Variants in MAP4 observed in about 807,000 individuals in gnomAD.
MAP4 encodes microtubule associated protein 4, also known as microtubule-associated protein 4.
Under a neutral mutation model 170.2 loss-of-function variants are expected in MAP4, and 76 were observed. The ratio of observed to expected loss-of-function variants is 0.45; its 90% CI spans 0.37 to 0.54. MAP4 has a LOEUF of 0.54. MAP4 is among the 20% of genes least tolerant of loss of function. The probability of loss-of-function intolerance (pLI) is 0.00; values close to 1 mark genes in which losing one functional copy is unlikely to be tolerated. For missense variants in MAP4, 2,506 were observed against 2,748.0 expected (o/e 0.91, Z 1.97); for synonymous variants, 909 against 994.5 (o/e 0.91, Z 1.62).
intron 1 of MAP4, among the ~76,000 whole-genome samples, chr3:48,037,800 T>A (rs955450830): frequency 1.3e-5 from 2 of 152,188 alleles, no homozygotes; most frequent in African/African-American, 4.8e-5. Context: ...ACAGTTAATG[T>A]ATGACATGTG....
intron 10 of MAP4, among the ~76,000 whole-genome samples, chr3:47,895,655 C>G (rs1190443750): frequency 6.6e-6 from 1 of 152,182 alleles, no homozygotes; most frequent in Admixed American, 6.5e-5. Context: ...TTCTGGCCAG[C>G]CTACCCAGAC....
upstream of MAP4, among the ~76,000 whole-genome samples, chr3:48,017,769 T>A (rs2100108528): frequency 6.6e-6 from 1 of 152,212 alleles, no homozygotes; most frequent in Non-Finnish European, 1.5e-5. Flanking sequence ...CTTTTTAGAA[T>A]CTTTCTCCCA....
intron 17 of MAP4, 49 bp downstream of exon 17, chr3:47,867,197 C>A (rs1397828085): frequency 2.3e-6 from 3 of 1,332,690 alleles, no homozygotes; most frequent in African/African-American, 1.4e-5. Context: ...CTAGTATACC[C>A]CACAGTGGGC....
chr3:47,972,582 A>G (rs977331086), intron 3 of MAP4, among the ~76,000 whole-genome samples: 1 of 152,204 alleles, frequency 6.6e-6, no homozygotes, highest in Non-Finnish European at 1.5e-5. Context: ...AGAGTTTACA[A>G]TAACTATCAA....
chr3:48,012,309 A>T (rs1349844523), intron 1 of MAP4, among the ~76,000 whole-genome samples: 1 of 151,790 alleles, frequency 6.6e-6, no homozygotes, highest in Non-Finnish European at 1.5e-5. Context: ...TACTCCACTC[A>T]CTCTTTGATG....
chr3:48,031,483 G>A (rs1359371898), intron 1 of MAP4, among the ~76,000 whole-genome samples: 5 of 152,114 alleles, frequency 3.3e-5, no homozygotes, highest in Admixed American at 1.3e-4. Context: ...CCCAGGAGAC[G>A]GAAGTTACAG....
intron 3 of MAP4, among the ~76,000 whole-genome samples, chr3:47,969,978 C>A (rs1412948428): frequency 6.6e-6 from 1 of 152,182 alleles, no homozygotes; most frequent in Non-Finnish European, 1.5e-5. Flanking sequence ...TACAGGTCCT[C>A]AAAAGACCCC....
In MAP4 at chr3:47,910,639, C is replaced by G. The variant is rs1004147444; in HGVS notation, c.3782G>C (p.Gly1261Ala). 5.9e-6 allele frequency: 9 copies of G among 1,536,108 alleles called. No homozygotes were observed. Among genetic ancestry groups the G allele is most frequent in the Non-Finnish European group, 7.8e-6 (9 of 1,146,894 alleles). ...ATCATGCATTTTGGGGAAAGTAAAT[C>G]CTATTTCCTTGCTTTTATGGGGAAT... ...GSIPHKSKEI[G>A]FTFPKMHDSS... The change falls in exon 9 of 21, where the codon GGA becomes GCA. Residue 1261 changes from glycine to alanine, a missense_variant. Transcript: ENST00000683076.
chr3:47,909,121 G>A lies in MAP4; in HGVS notation c.5300C>T (p.Pro1767Leu). The A allele has an allele frequency of 2.5e-6, 4 of 1,613,796 alleles. No homozygotes were observed. Among genetic ancestry groups the A allele is most frequent in the Non-Finnish European group, 3.4e-6 (4 of 1,179,800 alleles). ...MAEPMKGYMRPTKSRGLTPLL... is the reference protein window; with the variant it reads ...MAEPMKGYMRLTKSRGLTPLL... ...TGGAGTAAGTCCTCGGGACTTGGTG[G>A]GTCTCATGTAGCCTTTCATTGGTTC... The change falls in exon 9 of 21, where the codon CCC becomes CTC. Residue 1767 changes from proline (P) to leucine (L), a missense_variant. Pro to Leu is a moderately conservative substitution (Grantham distance 98, BLOSUM62 -3). This residue lies in a region of MAP4 where 2,008 missense variants were observed against 2,206.0 expected (regional missense o/e 0.91). Coordinates refer to ENST00000683076, the MANE Select transcript of MAP4 (RefSeq NM_001385682.1).
chr3:47,892,130 G>A (rs1428609093), intron 10 of MAP4: 3 of 1,535,990 alleles, frequency 2.0e-6, no homozygotes, highest in African/African-American at 1.4e-5. Flanking sequence ...CTGGTGTACC[G>A]AGTTCCCCTC....
rs969667065 is a variant in MAP4 at position 47,989,274 on chromosome 3, A to G, written c.223+9364T>C. On this transcript the variant is annotated intron_variant, in intron 2 of 20. Transcript: ENST00000683076. ...TAAAAAATATTGTTTTAATTGTTTA[A>G]TAAAAATAAAAGTGAGATTAGAAGA... Among the ~76,000 whole-genome samples, 7 of 152,346 alleles carry G rather than the reference A, an allele frequency of 4.6e-5. 1 individual carries two copies. The highest frequency in any genetic ancestry group is 3.3e-4 in the Admixed American group (5 of 15,300).
intron 3 of MAP4, among the ~76,000 whole-genome samples, chr3:47,938,720 T>C (rs1490813291): frequency 1.3e-5 from 2 of 152,186 alleles, no homozygotes; most frequent in South Asian, 2.1e-4. Context: ...TGCCACAGGC[T>C]AACCATGTAA....
At chr3:47,975,378 C>G (rs760708171) in intron 3 of MAP4, 5 of 1,551,958 alleles carry the variant, frequency 3.2e-6, no homozygotes, top group Non-Finnish European at 4.4e-6. Flanking sequence ...CTGCAAAATG[C>G]TGAAGGTTTT....
intron 1 of MAP4, among the ~76,000 whole-genome samples, chr3:48,045,087 T>C (rs1306167040): frequency 1.3e-5 from 2 of 150,718 alleles, no homozygotes; most frequent in Non-Finnish European, 2.9e-5. Context: ...TGAAAACCCA[T>C]CTCTACTAAA....
At chr3:48,077,368 C>T (rs2100144451) in intron 1 of MAP4, among the ~76,000 whole-genome samples, 1 of 151,386 alleles carries the variant, frequency 6.6e-6, no homozygotes, top group Admixed American at 6.6e-5. Context: ...ATCACTTGAA[C>T]CCGGGAGGCG....
At chr3:48,068,016 G>C (rs1326443135) in intron 1 of MAP4, among the ~76,000 whole-genome samples, 1 of 152,028 alleles carries the variant, frequency 6.6e-6, no homozygotes, top group Non-Finnish European at 1.5e-5. Context: ...TGTAATCCCA[G>C]CACTTTGGGA....
intron 3 of MAP4, chr3:47,974,867 T>C: frequency 1.0e-6 from 1 of 964,590 alleles, no homozygotes; most frequent in Non-Finnish European, 1.2e-6. Context: ...AAACTTAAAA[T>C]ATCTATCATT....
chr3:47,905,931 T>A (rs1336089386), intron 9 of MAP4, among the ~76,000 whole-genome samples: 2 of 150,420 alleles, frequency 1.3e-5, no homozygotes, highest in African/African-American at 4.9e-5. Flanking sequence ...GAGGTGGAGG[T>A]TGCAGTGAGC....
chr3:47,887,539 C>T (rs1352462991), intron 10 of MAP4, among the ~76,000 whole-genome samples: 2 of 152,234 alleles, frequency 1.3e-5, no homozygotes, highest in Admixed American at 1.3e-4. Context: ...AGCACCACCC[C>T]CTGCTCCACG....
Sources: allele counts gnomAD v4.1 joint callset (sites outside exome capture counted in the v4.1 genomes callset), GRCh38; gene constraint gnomAD v4.1.1; regional missense constraint gnomAD v4.1.1; transcripts MANE v1.5; gene names NCBI Gene and HGNC (gene_info 2026-07-23, HGNC 2026-07-21).